Variants in CCDC192 observed in about 807,000 individuals in gnomAD.
The protein encoded by CCDC192 is coiled-coil domain-containing protein 192.
At chr5:127,795,306 A>C (rs965519950) in intron 3 of CCDC192, among the ~76,000 whole-genome samples, 10 of 151,942 alleles carry the variant, frequency 6.6e-5, no homozygotes, top group Non-Finnish European at 1.0e-4. Flanking sequence ...AAAAAAAAAA[A>C]AAAACAATTT....
chr5:127,824,900 G>A (rs1276442535), intron 5 of CCDC192, among the ~76,000 whole-genome samples: 1 of 152,202 alleles, frequency 6.6e-6, no homozygotes, highest in Admixed American at 6.5e-5. Context: ...AAACATGGTT[G>A]TTTCGAGAGA....
chr5:127,902,145 G>A (rs371599825), intron 6 of CCDC192, among the ~76,000 whole-genome samples: 3 of 152,232 alleles, frequency 2.0e-5, no homozygotes, highest in South Asian at 2.1e-4. Context: ...AGTGGTGCAT[G>A]CCTGTAATCC....
intron 6 of CCDC192, among the ~76,000 whole-genome samples, chr5:127,920,882 G>A (rs1753692168): frequency 6.6e-6 from 1 of 151,616 alleles, no homozygotes. Flanking sequence ...TCAACGGGGT[G>A]AAGCCCTATT....
intron 3 of CCDC192, among the ~76,000 whole-genome samples, chr5:127,795,283 C>CT (rs1255502260): frequency 9.3e-6 from 1 of 108,026 alleles, no homozygotes; most frequent in Non-Finnish European, 1.8e-5. Context: ...AGGTGAGACT[C>CT]TATCTCAAAA....
At chr5:127,806,701 C>A (rs1447367723) in intron 5 of CCDC192, among the ~76,000 whole-genome samples, 1 of 152,080 alleles carries the variant, frequency 6.6e-6, no homozygotes, top group Non-Finnish European at 1.5e-5. Context: ...CAGCTCTTCC[C>A]CACTCTGATC....
intron 6 of CCDC192, among the ~76,000 whole-genome samples, chr5:127,930,291 C>T (rs950778295): frequency 1.3e-5 from 2 of 152,150 alleles, no homozygotes; most frequent in Non-Finnish European, 2.9e-5. Flanking sequence ...ACTTTTGTAC[C>T]TTCAATTGAC....
intron 2 of CCDC192, among the ~76,000 whole-genome samples, chr5:127,722,465 G>A (rs944931694): frequency 6.6e-6 from 1 of 152,054 alleles, no homozygotes; most frequent in Non-Finnish European, 1.5e-5. Context: ...TTAATGTCAT[G>A]TGATCCCATT....
intron 5 of CCDC192, among the ~76,000 whole-genome samples, chr5:127,853,782 A>G (rs958045865): frequency 3.9e-5 from 6 of 152,090 alleles, no homozygotes; most frequent in African/African-American, 9.7e-5. Flanking sequence ...CAAAAAGCAA[A>G]CAAACAAACA....
intron 5 of CCDC192, among the ~76,000 whole-genome samples, chr5:127,843,647 G>A (rs1453043021): frequency 2.0e-5 from 3 of 151,546 alleles, no homozygotes; most frequent in East Asian, 2.0e-4. Context: ...CATATTGGCC[G>A]GGCTGGTCTC....
chr5:127,819,997 G>A (rs896450409), intron 5 of CCDC192, among the ~76,000 whole-genome samples: 6 of 152,024 alleles, frequency 3.9e-5, no homozygotes, highest in East Asian at 3.9e-4. Flanking sequence ...TCTCACACAC[G>A]TACATCTCTA....
intron 6 of CCDC192, among the ~76,000 whole-genome samples, chr5:127,917,201 T>C (rs1253969095): frequency 1.3e-5 from 2 of 152,242 alleles, no homozygotes; most frequent in East Asian, 1.9e-4. Context: ...CAGCCTTCAT[T>C]GAATTGAAGA....
chr5:127,770,726 A>G (rs1755502008), intron 3 of CCDC192, among the ~76,000 whole-genome samples: 1 of 152,218 alleles, frequency 6.6e-6, no homozygotes, highest in African/African-American at 2.4e-5. Context: ...AAAGGCAGTA[A>G]CGATATAATT....
chr5:127,827,980 C>T (rs1164211532), intron 5 of CCDC192, among the ~76,000 whole-genome samples: 1 of 152,146 alleles, frequency 6.6e-6, no homozygotes, highest in Non-Finnish European at 1.5e-5. Context: ...GATCTCTGCT[C>T]ACTGCAACCT....
At chr5:127,885,118 T>TA (rs34554412) in intron 6 of CCDC192, among the ~76,000 whole-genome samples, 105,186 of 149,302 alleles carry the variant, frequency 0.7, 37,113 homozygotes, top group African/African-American at 0.8. Flanking sequence ...TTTGTTTGTT[T>TA]AAAAAAAAAA....
chr5:127,713,755 T>C (rs1237442985), intron 2 of CCDC192, among the ~76,000 whole-genome samples: 1 of 152,228 alleles, frequency 6.6e-6, no homozygotes, highest in African/African-American at 2.4e-5. Flanking sequence ...ATTTATGGGG[T>C]ACAGTGTGAT....
chr5:127,712,026 C>CCCCCACCTGCCTCT (rs1176458461), intron 2 of CCDC192, among the ~76,000 whole-genome samples: 8 of 152,038 alleles, frequency 5.3e-5, no homozygotes, highest in Non-Finnish European at 1.0e-4. Context: ...CTTAGGAATT[C>CCCCCACCTGCCTCT]CCCCACCTGC....
At chr5:127,859,172 T>C (rs1751248734) in intron 5 of CCDC192, among the ~76,000 whole-genome samples, 2 of 152,240 alleles carry the variant, frequency 1.3e-5, no homozygotes, top group African/African-American at 4.8e-5. Flanking sequence ...GATGTTTATG[T>C]AGACAAACTC....
At chr5:127,883,939 C>T (rs1242514467) in intron 6 of CCDC192, among the ~76,000 whole-genome samples, 2 of 152,222 alleles carry the variant, frequency 1.3e-5, no homozygotes, top group African/African-American at 4.8e-5. Flanking sequence ...CTCCGATGGC[C>T]CCTCCTTGCC....
chr5:127,719,530 CAT>C (rs1554068137), intron 2 of CCDC192, among the ~76,000 whole-genome samples: 12 of 75,476 alleles, frequency 1.6e-4, no homozygotes, highest in South Asian at 8.2e-4. Context: ...TATATACACA[CAT>C]ACATATATAT....
Sources: allele counts gnomAD v4.1 joint callset (sites outside exome capture counted in the v4.1 genomes callset), GRCh38; gene constraint gnomAD v4.1.1; transcripts MANE v1.5; gene names NCBI Gene and HGNC (gene_info 2026-07-23, HGNC 2026-07-21).